The following MIB1 variants were observed in gnomAD, a reference collection of about 807,000 sequenced individuals.
MIB1 encodes the protein MIB E3 ubiquitin protein ligase 1.
In MIB1, 278 loss-of-function variants were observed where a neutral mutation model predicts 124.5. The observed-to-expected ratio is 2.23, with a 90% CI of 2.02 to 2.47. The LOEUF (loss-of-function observed/expected upper bound fraction) is 2.47, where lower values mean the gene tolerates loss of function less well. Ranked by LOEUF, MIB1 falls within the 30% of genes most tolerant of loss-of-function variation. The pLI, the probability that MIB1 is intolerant of heterozygous loss-of-function variation, is 0.00. For synonymous variants in MIB1, 446 were observed against 429.4 expected, an observed-to-expected ratio of 1.04 and a Z score of -0.48; for missense variants, 957 against 1,254.4, an observed-to-expected ratio of 0.76 and a Z score of 3.58.
At chr18:21,798,391 A>G (rs1037668662) in intron 8 of MIB1, among the ~76,000 whole-genome samples, 163 bp downstream of exon 8, 16 of 152,048 alleles carry the variant, frequency 1.1e-4, no homozygotes, top group African/African-American at 3.4e-4. Context: ...TTTCACTAAA[A>G]ATTTTTGTTT....
intron 1 of MIB1, among the ~76,000 whole-genome samples, chr18:21,724,752 A>G (rs1313847450): frequency 9.9e-6 from 1 of 100,592 alleles, no homozygotes; most frequent in African/African-American, 3.8e-5. Flanking sequence ...ATATATATAT[A>G]TATATATATA....
intron 1 of MIB1, among the ~76,000 whole-genome samples, chr18:21,735,137 C>T (rs2040790464): frequency 6.6e-6 from 1 of 152,168 alleles, no homozygotes; most frequent in South Asian, 2.1e-4. Flanking sequence ...CAGCTCCCAG[C>T]GAGATGGATG....
intron 5 of MIB1, among the ~76,000 whole-genome samples, chr18:21,779,044 A>G (rs1448504048): frequency 6.6e-6 from 1 of 152,188 alleles, no homozygotes; most frequent in East Asian, 1.9e-4. Flanking sequence ...CAAGAATCAC[A>G]GGAACCATTT....
chr18:21,798,143 A>G lies in MIB1; in HGVS notation c.1152A>G (p.Glu384=), dbSNP rs1280971696. ...QIYSDSDLKV[E]VCGTSWTYNP... ...ATTCAGACAGTGATTTAAAGGTGGA[A>G]GTTTGTGGAACATCTTGGACATACA... The change falls in exon 8 of 21, where the codon GAA becomes GAG. Residue 384 remains glutamate, a synonymous_variant. Transcript: ENST00000261537. The G allele has an allele frequency of 1.2e-6, 2 of 1,613,250 alleles. No individual in the cohort carries two copies. Among genetic ancestry groups the G allele is most frequent in the Non-Finnish European group, 1.7e-6 (2 of 1,179,498 alleles).
intron 6 of MIB1, among the ~76,000 whole-genome samples, chr18:21,785,053 A>T (rs2041418758): frequency 3.3e-5 from 5 of 152,124 alleles, no homozygotes; most frequent in Admixed American, 3.3e-4. Context: ...CTCTCCGAAA[A>T]ATGCGTAGAA....
chr18:21,722,752 G>A (rs1277979708), intron 1 of MIB1, among the ~76,000 whole-genome samples: 1 of 152,116 alleles, frequency 6.6e-6, no homozygotes, highest in African/African-American at 2.4e-5. Context: ...GGGTTTGTCT[G>A]ATATTTTTTC....
chr18:21,858,996 GCTGGT>G (rs2042251390), intron 20 of MIB1, among the ~76,000 whole-genome samples: 1 of 152,192 alleles, frequency 6.6e-6, no homozygotes, highest in Non-Finnish European at 1.5e-5. Flanking sequence ...CTCATACACT[GCTGGT>G]GGGAATATAT....
chr18:21,711,608 A>C (rs759142213), intron 1 of MIB1, among the ~76,000 whole-genome samples: 8 of 151,468 alleles, frequency 5.3e-5, no homozygotes, highest in Non-Finnish European at 1.2e-4. Context: ...TATCCACCCC[A>C]GCAATCTAAC....
At chr18:21,852,409 TGTTA>T (rs1047433418) in intron 17 of MIB1, among the ~76,000 whole-genome samples, 1 of 152,156 alleles carries the variant, frequency 6.6e-6, no homozygotes, top group Non-Finnish European at 1.5e-5. Context: ...TGTGACTGTG[TGTTA>T]GAAGGGAGAA....
intron 18 of MIB1, chr18:21,854,874 C>T (rs2042213382): frequency 4.7e-6 from 1 of 211,948 alleles, no homozygotes; most frequent in Non-Finnish European, 9.9e-6. Flanking sequence ...GACATTGGTG[C>T]TTTCCCTACC....
chr18:21,778,479 A>G (rs994618569), intron 5 of MIB1, among the ~76,000 whole-genome samples: 3 of 152,182 alleles, frequency 2.0e-5, no homozygotes, highest in African/African-American at 4.8e-5. Context: ...GTTATACACT[A>G]TTGAGAATAG....
At position 21,819,535 on chromosome 18, in the gene MIB1, A is replaced by C; in HGVS notation, c.1718A>C (p.Lys573Thr). The C allele has an allele frequency of 1.9e-6, 3 of 1,610,762 alleles. No homozygotes were observed. Among genetic ancestry groups the C allele is most frequent in the Non-Finnish European group, 2.5e-6 (3 of 1,177,898 alleles). Residue 573 changes from lysine (K) to threonine (T), a missense_variant, in exon 12 of 21, where the codon AAG (lysine) becomes ACG (threonine). By Grantham distance (78) the Lys-to-Thr change is moderately conservative. Transcript: ENST00000261537. ...ACCCCTCTTCATGATGCAATAAGTAAGAAACGTGATGATATCCTAGCAGTT... is the reference window on the plus strand; with the variant it reads ...ACCCCTCTTCATGATGCAATAAGTACGAAACGTGATGATATCCTAGCAGTT... ...GDTPLHDAIS[K>T]KRDDILAVLL...
intron 20 of MIB1, among the ~76,000 whole-genome samples, chr18:21,862,176 C>CGTGAGCT (rs1328257024): frequency 6.8e-6 from 1 of 147,866 alleles, no homozygotes; most frequent in Non-Finnish European, 1.5e-5. Flanking sequence ...GGATTACAGG[C>CGTGAGCT]GTGAGCTACC....
intron 15 of MIB1, among the ~76,000 whole-genome samples, chr18:21,845,545 G>A (rs1335923342): frequency 6.6e-6 from 1 of 152,148 alleles, no homozygotes; most frequent in Non-Finnish European, 1.5e-5. Flanking sequence ...TATATATTGT[G>A]TGACATATGG....
At chr18:21,737,238 A>G (rs2040800426), upstream of MIB1, among the ~76,000 whole-genome samples, 1 of 152,212 alleles carries the variant, frequency 6.6e-6, no homozygotes, top group Admixed American at 6.5e-5. Flanking sequence ...CAACATTCTT[A>G]AAGAAAAGAA....
chr18:21,839,475 T>C (rs1268571114), intron 13 of MIB1, among the ~76,000 whole-genome samples: 1 of 152,212 alleles, frequency 6.6e-6, no homozygotes, highest in Non-Finnish European at 1.5e-5. Flanking sequence ...AGGATTACTC[T>C]AATGTTCTAG....
upstream of MIB1, among the ~76,000 whole-genome samples, chr18:21,735,983 G>A (rs932059612): frequency 1.3e-5 from 2 of 152,240 alleles, no homozygotes; most frequent in African/African-American, 4.8e-5. Context: ...TCTGACACCT[G>A]TGAAGAGAGC....
In MIB1 at chr18:21,791,370, G is replaced by C; in HGVS notation, c.909-4G>C. 1 of 1,603,620 alleles carries C rather than the reference G, an allele frequency of 6.2e-7. No individual in the cohort carries two copies. The highest frequency in any genetic ancestry group is 8.5e-7 in the Non-Finnish European group (1 of 1,174,662). Reference sequence around the variant, plus strand: ...CATTTTGAGGTTTAGCTTTGCTCTTGTAGGTGGACCTTCAATCCTGCTGTT... The same window carrying C: ...CATTTTGAGGTTTAGCTTTGCTCTTCTAGGTGGACCTTCAATCCTGCTGTT... On this transcript the variant is annotated splice_polypyrimidine_tract_variant and splice_region_variant and intron_variant, in intron 6 of 20. Transcript: ENST00000261537.
chr18:21,815,984 G>T (rs539975919), intron 11 of MIB1, among the ~76,000 whole-genome samples, 171 bp downstream of exon 11: 6 of 150,846 alleles, frequency 4.0e-5, no homozygotes, highest in South Asian at 2.1e-4. Flanking sequence ...TTAAAAAGTT[G>T]TTTTTTTTTA....
Sources: allele counts gnomAD v4.1 joint callset (sites outside exome capture counted in the v4.1 genomes callset), GRCh38; gene constraint gnomAD v4.1.1; transcripts MANE v1.5; gene names NCBI Gene and HGNC (gene_info 2026-07-23, HGNC 2026-07-21).